The following CDK13 variants were observed in gnomAD, a reference collection of about 807,000 sequenced individuals.
The protein encoded by CDK13 is cyclin-dependent kinase 13.
A neutral mutation model predicts 137.6 loss-of-function variants in CDK13; 40 were observed. The ratio of observed to expected loss-of-function variants is 0.29; its 90% CI spans 0.23 to 0.38. The LOEUF is 0.38. Ranked by LOEUF, CDK13 falls within the 10% of genes least tolerant of loss-of-function variation. CDK13 has a pLI of 1.00. For missense variants in CDK13, 1,704 were observed against 1,951.8 expected (o/e 0.87, Z 2.39); for synonymous variants, 869 against 760.1 (o/e 1.14, Z -2.36).
intron 4 of CDK13, among the ~76,000 whole-genome samples, chr7:40,000,260 C>T (rs778219773): frequency 3.7e-4 from 57 of 152,138 alleles, no homozygotes; most frequent in Non-Finnish European, 1.2e-4. Flanking sequence ...CCTGTAAACC[C>T]AGCTACTCGG....
At chr7:40,039,192 C>T (rs1214956401) in intron 5 of CDK13, among the ~76,000 whole-genome samples, 2 of 152,064 alleles carry the variant, frequency 1.3e-5, no homozygotes, top group Admixed American at 1.3e-4. Flanking sequence ...CTAATTGTCT[C>T]TTTTTCTCAC....
At chr7:40,049,178 CCAAAAAAAAAAA>C (rs1264640174) in intron 7 of CDK13, 29 of 66,788 alleles carry the variant, frequency 4.3e-4, no homozygotes, top group South Asian at 6.8e-4. Flanking sequence ...AAGACTGTCT[CCAAAAAAAAAAA>C]AAAAAAAAAA....
intron 7 of CDK13, among the ~76,000 whole-genome samples, chr7:40,052,684 T>C (rs1785920053): frequency 6.6e-6 from 1 of 152,192 alleles, no homozygotes; most frequent in Admixed American, 6.5e-5. Context: ...TAGTGGCTTT[T>C]CAGAACATTG....
At chr7:40,008,982 TAG>T (rs1784845118) in intron 5 of CDK13, among the ~76,000 whole-genome samples, 2 of 152,196 alleles carry the variant, frequency 1.3e-5, no homozygotes, top group African/African-American at 2.4e-5. Context: ...TGTGTAGAGT[TAG>T]TACCTTTTTG....
intron 3 of CDK13, 123 bp downstream of exon 3, chr7:39,997,787 T>C: frequency 1.4e-6 from 1 of 696,738 alleles, no homozygotes. Context: ...AACTTAAATA[T>C]ATGAATTCTA....
At chr7:39,980,795 A>G (rs1784207768) in intron 1 of CDK13, among the ~76,000 whole-genome samples, 1 of 152,152 alleles carries the variant, frequency 6.6e-6, no homozygotes, top group African/African-American at 2.4e-5. Context: ...GAAGACCTAG[A>G]CTCCTGGAGA....
At chr7:39,965,399 G>T (rs975137950) in intron 1 of CDK13, among the ~76,000 whole-genome samples, 1 of 152,054 alleles carries the variant, frequency 6.6e-6, no homozygotes, top group Non-Finnish European at 1.5e-5. Context: ...TTTGATCTTT[G>T]TTGGCTTAAA....
chr7:40,023,504 CT>C (rs70996872), intron 5 of CDK13, among the ~76,000 whole-genome samples: 76 of 145,244 alleles, frequency 5.2e-4, no homozygotes, highest in Non-Finnish European at 4.8e-4. Context: ...GGATTGATCT[CT>C]TTTTTTTTTT....
intron 7 of CDK13, among the ~76,000 whole-genome samples, chr7:40,053,043 T>G (rs10238501): frequency 0.014 from 2,104 of 152,336 alleles, 37 homozygotes; most frequent in Middle Eastern, 0.027. Context: ...ATTTAGATCA[T>G]TGACTTTTAA....
rs1410364557 is a variant in CDK13, at chr7:39,988,024, C to G, written c.1637C>G (p.Thr546Arg). 3 of 1,613,804 alleles carry G rather than the reference C, an allele frequency of 1.9e-6. No homozygotes were observed. In the African/African-American group the frequency reaches 4.0e-5, roughly 22 times the overall value. Residue 546 changes from threonine (T) to arginine (R), a missense_variant, in exon 2 of 14, where the codon ACG becomes AGG. This residue lies in a region of CDK13 where 1,051 missense variants were observed against 931.0 expected (regional missense o/e 1.13). Coordinates refer to ENST00000181839, the MANE Select transcript of CDK13 (RefSeq NM_003718.5). ...KAKTKPPLQV[T>R]KVENNLIVDK... ...AAAACAAAGCCACCTCTTCAGGTAA[C>G]GAAGGTGGAAAATAATTTGATTGTA... is the stretch of plus-strand genomic sequence containing the variant.
chr7:39,978,226 TAGAAGTA>T lies in CDK13; in HGVS notation c.1212-9368_1212-9362del, dbSNP rs1418218228. 2.0e-5 allele frequency among the ~76,000 whole-genome samples: 3 copies of T among 152,148 alleles called. No individual in the cohort carries two copies. The East Asian group carries it at 5.8e-4, about 29-fold the overall frequency. On this transcript the variant is annotated intron_variant, in intron 1 of 13. Coordinates refer to ENST00000181839, the MANE Select transcript of CDK13 (RefSeq NM_003718.5). ...AAACCTCAAGGTGCGGAAACAGCCA[TAGAAGTA>T]AGAAAATCATGAAGATGAAAGGTAG...
In CDK13 at chr7:39,951,844, T is replaced by A; in HGVS notation, c.1203T>A (p.Pro401=). The part of the protein sequence containing the change: ...SWRRSRSPYS[P]VLRRSGKSRS... Reference sequence around the variant, plus strand: ...GCCGCTCTCGCAGTCCCTACAGCCCTGTGCTCAGGTGAGTTCTGCCGTTCT... The same window carrying A: ...GCCGCTCTCGCAGTCCCTACAGCCCAGTGCTCAGGTGAGTTCTGCCGTTCT... Residue 401 remains proline (P), a synonymous_variant, in exon 1 of 14, where the codon CCT becomes CCA. Transcript: ENST00000181839. 2 of 1,391,664 alleles carry A rather than the reference T, an allele frequency of 1.4e-6. No individual in the cohort carries two copies. Among genetic ancestry groups the A allele is most frequent in the Non-Finnish European group, 1.9e-6 (2 of 1,074,458 alleles). 86.2% of individuals were successfully genotyped at this position (1,391,664 alleles called of 1,614,324 possible).
At chr7:39,987,510 A>G in intron 1 of CDK13, 89 bp from the exon 2 acceptor site, 3 of 1,072,250 alleles carry the variant, frequency 2.8e-6, no homozygotes, top group Non-Finnish European at 3.9e-6. Flanking sequence ...TTTCTATTTT[A>G]TTTCATAAAC....
At chr7:39,992,163 GGTGTGTGTGTGTGT>G (rs140203379) in intron 2 of CDK13, among the ~76,000 whole-genome samples, 35 of 146,366 alleles carry the variant, frequency 2.4e-4, no homozygotes, top group Middle Eastern at 3.5e-3. Context: ...AACTAATGAG[GGTGTGTGTGTGTGT>G]GTGTGTGTGT....
At chr7:39,966,034 T>C (rs1417732547) in intron 1 of CDK13, among the ~76,000 whole-genome samples, 2 of 152,206 alleles carry the variant, frequency 1.3e-5, no homozygotes, top group East Asian at 3.8e-4. Flanking sequence ...GACCTTTCTC[T>C]CTGGCTGCCC....
intron 5 of CDK13, among the ~76,000 whole-genome samples, chr7:40,032,598 C>T (rs1785403647): frequency 6.6e-6 from 1 of 152,032 alleles, no homozygotes. Context: ...TCATTTTGTT[C>T]ACTTGTTGGT....
At chr7:40,005,434 TG>T (rs1784778634) in intron 5 of CDK13, among the ~76,000 whole-genome samples, 1 of 151,644 alleles carries the variant, frequency 6.6e-6, no homozygotes, top group Non-Finnish European at 1.5e-5. Context: ...GCATTACAGG[TG>T]TGTGTCACTA....
chr7:39,969,886 T>C (rs572853128), intron 1 of CDK13, among the ~76,000 whole-genome samples: 1 of 152,358 alleles, frequency 6.6e-6, no homozygotes, highest in South Asian at 2.1e-4. Flanking sequence ...TCTGTGTATA[T>C]GCTAGATACA....
At chr7:39,959,129 A>G (rs904535158) in intron 1 of CDK13, among the ~76,000 whole-genome samples, 6 of 114,940 alleles carry the variant, frequency 5.2e-5, no homozygotes, top group African/African-American at 1.5e-4. Context: ...TTTCTTTGAT[A>G]TTTAATAAGG....
Sources: allele counts gnomAD v4.1 joint callset (sites outside exome capture counted in the v4.1 genomes callset), GRCh38; gene constraint gnomAD v4.1.1; regional missense constraint gnomAD v4.1.1; transcripts MANE v1.5; gene names NCBI Gene and HGNC (gene_info 2026-07-23, HGNC 2026-07-21).